The following FSHR variants were observed in gnomAD, a reference collection of about 807,000 sequenced individuals.
FSHR encodes the protein follicle stimulating hormone receptor, also known as follicle-stimulating hormone receptor.
In FSHR, 46 loss-of-function variants were observed where a neutral mutation model predicts 52.1. The ratio of observed to expected loss-of-function variants is 0.88; its 90% CI spans 0.70 to 1.13. The LOEUF (loss-of-function observed/expected upper bound fraction) is 1.13, where lower values mean the gene tolerates loss of function less well. FSHR is among the 50% of genes most tolerant of loss of function. The probability of loss-of-function intolerance (pLI) is 0.00; values close to 1 mark genes in which losing one functional copy is unlikely to be tolerated. For synonymous variants in FSHR, 399 were observed against 309.6 expected (o/e 1.29, Z -3.03); for missense variants, 964 against 834.6 (o/e 1.16, Z -1.91).
chr2:49,005,159 T>C (rs114556986), intron 4 of FSHR, among the ~76,000 whole-genome samples: 3,209 of 152,240 alleles, frequency 0.021, 120 homozygotes, highest in African/African-American at 0.074. Context: ...CTTGGGCTTC[T>C]TTCAGGAGAA....
intron 1 of FSHR, among the ~76,000 whole-genome samples, chr2:49,110,737 G>T (rs1671395157): frequency 6.6e-6 from 1 of 152,134 alleles, no homozygotes; most frequent in Admixed American, 6.6e-5. Flanking sequence ...CTCCCATGGT[G>T]TGGAGTTGCT....
intron 2 of FSHR, among the ~76,000 whole-genome samples, chr2:49,039,924 GTT>G (rs11338274): frequency 0.19 from 28,523 of 150,170 alleles, 2,830 homozygotes; most frequent in East Asian, 0.28. Context: ...TACATTGGTG[GTT>G]TTTTTTTTTC....
At chr2:48,988,360 A>C (rs1675613644) in intron 6 of FSHR, among the ~76,000 whole-genome samples, 1 of 152,228 alleles carries the variant, frequency 6.6e-6, no homozygotes, top group South Asian at 2.1e-4. Flanking sequence ...AGGCATACTT[A>C]GATAGCCCAT....
intron 1 of FSHR, among the ~76,000 whole-genome samples, chr2:49,080,176 A>G (rs968472868): frequency 7.2e-5 from 11 of 152,202 alleles, no homozygotes; most frequent in Admixed American, 5.2e-4. Flanking sequence ...ATATTGGTGA[A>G]CATTGAAAGG....
At chr2:49,101,432 A>C (rs1234381957) in intron 1 of FSHR, among the ~76,000 whole-genome samples, 2 of 152,176 alleles carry the variant, frequency 1.3e-5, no homozygotes, top group Non-Finnish European at 2.9e-5. Context: ...ACTCTTGTCC[A>C]CTGAGACTAG....
At chr2:49,131,133 A>G (rs1672247920) in intron 1 of FSHR, among the ~76,000 whole-genome samples, 1 of 152,176 alleles carries the variant, frequency 6.6e-6, no homozygotes. Flanking sequence ...GAAAAATACA[A>G]TAAATGGGGA....
chr2:49,084,224 AC>A lies in FSHR; in HGVS notation c.153-15935del, dbSNP rs554565002. On this transcript the variant is annotated intron_variant, in intron 1 of 9. Coordinates refer to ENST00000406846, the MANE Select transcript of FSHR (RefSeq NM_000145.4). ...AACCGCTCAACTACATGGAAACTGA[AC>A]AACCTGCCCCTGAATGACTACTGGG... 4.0e-3 allele frequency among the ~76,000 whole-genome samples: 566 copies of A among 142,818 alleles called. 6 individuals carry two copies. Among genetic ancestry groups the A allele is most frequent in the African/African-American group, 0.014 (522 of 38,178 alleles). 93.7% of individuals were successfully genotyped at this position (142,818 alleles called of 152,430 possible). A position where few individuals can be genotyped will look rare whatever the true frequency, so the allele number is the denominator to read the frequency against.
intron 3 of FSHR, among the ~76,000 whole-genome samples, chr2:49,017,822 G>A (rs1330175852): frequency 2.6e-5 from 4 of 152,044 alleles, no homozygotes; most frequent in Non-Finnish European, 4.4e-5. Context: ...CCTGTCCGCT[G>A]GAGGCAAACA....
At position 49,068,208 on chromosome 2, in the gene FSHR, T is replaced by C. The variant is rs1302066991; in HGVS notation, c.224+11A>G. On this transcript the variant is annotated intron_variant, in intron 2 of 9. Transcript: ENST00000406846. ...TTGAGGCATTCACTCACAGCAGTGCTAGGTACATACATTTTCTCCAGGTCC... is the reference window on the plus strand; with the variant it reads ...TTGAGGCATTCACTCACAGCAGTGCCAGGTACATACATTTTCTCCAGGTCC... The C allele has an allele frequency of 1.2e-6, 2 of 1,606,384 alleles. No homozygotes were observed. Among genetic ancestry groups the C allele is most frequent in the Non-Finnish European group, 1.7e-6 (2 of 1,174,982 alleles).
At chr2:49,069,866 G>C (rs1558423022) in intron 1 of FSHR, among the ~76,000 whole-genome samples, 1 of 152,166 alleles carries the variant, frequency 6.6e-6, no homozygotes, top group South Asian at 2.1e-4. Flanking sequence ...AGCAGGAATT[G>C]TAATCAAACA....
intron 8 of FSHR, among the ~76,000 whole-genome samples, chr2:48,978,045 A>C (rs112599436): frequency 0.013 from 2,047 of 152,314 alleles, 40 homozygotes; most frequent in African/African-American, 0.046. Flanking sequence ...TGGATACCCC[A>C]TGGGATTATG....
chr2:49,004,384 G>C lies in FSHR; in HGVS notation c.374+13105C>G, dbSNP rs1021916321. On this transcript the variant is annotated intron_variant, in intron 4 of 9. Transcript: ENST00000406846. ...CTCAGCATTTGAATCCTGGGGAAGA[G>C]GAGCTGGGAAGTGAAGTGGTCTGCA... Among the ~76,000 whole-genome samples the C allele has an allele frequency of 3.9e-5, 6 of 152,166 alleles. No homozygotes were observed. In the South Asian group the frequency reaches 1.0e-3, roughly 26 times the overall value.
chr2:49,072,125 A>G (rs970531049), intron 1 of FSHR, among the ~76,000 whole-genome samples: 1 of 152,206 alleles, frequency 6.6e-6, no homozygotes, highest in Non-Finnish European at 1.5e-5. Flanking sequence ...TTTGATGATG[A>G]TGCTATTAAA....
At chr2:49,024,696 C>G (rs2104237020) in intron 2 of FSHR, among the ~76,000 whole-genome samples, 2 of 152,326 alleles carry the variant, frequency 1.3e-5, no homozygotes, top group Middle Eastern at 3.4e-3. Context: ...CCCTCCTCCC[C>G]TGCCTTTCTC....
At chr2:48,983,960 G>A (rs763944460) in intron 6 of FSHR, among the ~76,000 whole-genome samples, 1 of 152,084 alleles carries the variant, frequency 6.6e-6, no homozygotes, top group African/African-American at 2.4e-5. Context: ...CTCCTGAGTG[G>A]ATCTGAAAAC....
At chr2:49,071,967 A>G (rs62162093) in intron 1 of FSHR, among the ~76,000 whole-genome samples, 37,761 of 151,984 alleles carry the variant, frequency 0.25, 4,932 homozygotes, top group African/African-American at 0.35. Flanking sequence ...ATCTCCAACA[A>G]TGGATATTTC....
chr2:49,040,383 T>G (rs988548901), intron 2 of FSHR, among the ~76,000 whole-genome samples: 18 of 152,256 alleles, frequency 1.2e-4, no homozygotes, highest in African/African-American at 4.3e-4. Context: ...CCTGACCACC[T>G]CCAGAACTTA....
At chr2:49,084,727 A>C (rs1670311409) in intron 1 of FSHR, among the ~76,000 whole-genome samples, 1 of 152,260 alleles carries the variant, frequency 6.6e-6, no homozygotes, top group Admixed American at 6.5e-5. Flanking sequence ...CTCTATGCAA[A>C]TAAACTAGAA....
In FSHR at chr2:49,108,614, T is replaced by C. The variant is rs144102731; in HGVS notation, c.153-40324A>G. Among the ~76,000 whole-genome samples, 624 of 152,200 alleles carry C rather than the reference T, an allele frequency of 4.1e-3. 4 individuals carry two copies. Among genetic ancestry groups the C allele is most frequent in the African/African-American group, 0.014 (566 of 41,552 alleles). On this transcript the variant is annotated intron_variant, in intron 1 of 9. Coordinates refer to ENST00000406846, the MANE Select transcript of FSHR (RefSeq NM_000145.4). ...TAATTCTCCTGCCAAGAGCCTCTCA[T>C]GGAAAAACTGAGCATGGGAGTTTTC... is the stretch of plus-strand genomic sequence containing the variant.
Sources: gnomAD v4.1 joint callset for allele counts (sites outside exome capture counted in the v4.1 genomes callset) on GRCh38, gnomAD v4.1.1 for gene constraint, MANE v1.5 for transcripts, NCBI Gene and HGNC (gene_info 2026-07-23, HGNC 2026-07-21) for gene names.